Variants in SERINC1 observed in about 807,000 individuals in gnomAD.
The protein encoded by SERINC1 is serine incorporator 1.
In SERINC1, 38 loss-of-function variants were observed where a neutral mutation model predicts 52.9. The ratio of observed to expected loss-of-function variants is 0.72; its 90% CI spans 0.55 to 0.94. The LOEUF (loss-of-function observed/expected upper bound fraction) is 0.94. SERINC1 is among the 40% of genes least tolerant of loss of function. The pLI, the probability that SERINC1 is intolerant of heterozygous loss-of-function variation, is 0.00. For missense variants in SERINC1, 471 were observed against 533.9 expected (o/e 0.88, Z 1.16); for synonymous variants, 198 against 183.1 (o/e 1.08, Z -0.66).
intron 1 of SERINC1, among the ~76,000 whole-genome samples, chr6:122,461,860 A>G (rs1463365533): frequency 2.0e-5 from 3 of 152,120 alleles, no homozygotes; most frequent in Non-Finnish European, 4.4e-5. Context: ...TGAAAGAGAC[A>G]TATTCTTCTT....
chr6:122,470,695 T>C (rs1202655368), intron 1 of SERINC1, among the ~76,000 whole-genome samples: 1 of 152,094 alleles, frequency 6.6e-6, no homozygotes, highest in Non-Finnish European at 1.5e-5. Flanking sequence ...TCAAGACATA[T>C]CAAAACCTTT....
At chr6:122,452,781 G>C (rs913974174) in intron 5 of SERINC1, among the ~76,000 whole-genome samples, 2 of 152,124 alleles carry the variant, frequency 1.3e-5, no homozygotes, top group African/African-American at 4.8e-5. Context: ...TGCATTTAGA[G>C]AACAAGGTAT....
chr6:122,455,433 C>G (rs1774977804), intron 3 of SERINC1, among the ~76,000 whole-genome samples: 2 of 152,170 alleles, frequency 1.3e-5, no homozygotes, highest in East Asian at 1.9e-4. Context: ...ACTGGCCTAG[C>G]ATCCCAGCCT....
intron 1 of SERINC1, among the ~76,000 whole-genome samples, chr6:122,468,692 AT>A (rs1359354302): frequency 6.6e-6 from 1 of 152,188 alleles, no homozygotes; most frequent in African/African-American, 2.4e-5. Flanking sequence ...GAGAAGGAAG[AT>A]TTTGGGGGGA....
chr6:122,460,363 C>T (rs555813625), intron 1 of SERINC1, among the ~76,000 whole-genome samples: 2 of 152,272 alleles, frequency 1.3e-5, no homozygotes, highest in East Asian at 3.9e-4. Flanking sequence ...GTGTGGCCCA[C>T]CGCGCCCAGC....
intron 5 of SERINC1, among the ~76,000 whole-genome samples, chr6:122,453,101 C>T (rs1021090207): frequency 1.3e-5 from 2 of 152,114 alleles, no homozygotes; most frequent in Non-Finnish European, 2.9e-5. Context: ...TTAGATGGGG[C>T]ATTCATACTC....
chr6:122,464,391 AC>A (rs1775153056), intron 1 of SERINC1, among the ~76,000 whole-genome samples: 1 of 152,192 alleles, frequency 6.6e-6, no homozygotes, highest in Non-Finnish European at 1.5e-5. Flanking sequence ...AGAGCACACT[AC>A]TTTTTGAGAA....
chr6:122,469,837 G>A (rs963300307), intron 1 of SERINC1, among the ~76,000 whole-genome samples: 5 of 152,124 alleles, frequency 3.3e-5, no homozygotes, highest in African/African-American at 1.2e-4. Flanking sequence ...GATTACAGGC[G>A]TGAGCCACTG....
intron 1 of SERINC1, among the ~76,000 whole-genome samples, chr6:122,462,498 T>C (rs1267943): frequency 0.8 from 121,108 of 152,050 alleles, 48,464 homozygotes; most frequent in South Asian, 0.92. Context: ...GGCTCACACC[T>C]GTAATCCCAG....
chr6:122,469,298 T>C (rs1277677196), intron 1 of SERINC1, among the ~76,000 whole-genome samples: 2 of 152,072 alleles, frequency 1.3e-5, no homozygotes, highest in Admixed American at 6.5e-5. Context: ...AAGAATGAGG[T>C]TGGTTTGTTT....
Position 122,445,080 on chromosome 6 carries a change from C to T in SERINC1, c.1326G>A (p.Val442=). 1 of 1,613,982 alleles carries T rather than the reference C, an allele frequency of 6.2e-7. No homozygotes were observed. ...IGIVLYVWTL[V]APLVLTNRDF... The stretch of plus-strand genomic sequence containing the variant: ...CACGATTTGTAAGAACAAGTGGTGC[C>T]ACGAGTGTCCAAACATACAGCACGA... Residue 442 remains valine (V), a synonymous_variant, in exon 10 of 10, where the codon GTG becomes GTA. Coordinates refer to ENST00000339697, the MANE Select transcript of SERINC1 (RefSeq NM_020755.4).
chr6:122,451,455 G>C (rs1348757317), intron 7 of SERINC1, among the ~76,000 whole-genome samples: 4 of 152,020 alleles, frequency 2.6e-5, no homozygotes, highest in Non-Finnish European at 4.4e-5. Context: ...TGAACTCACA[G>C]TTTCTCTTAG....
At chr6:122,471,571 G>C in intron 1 of SERINC1, 128 bp downstream of exon 1, 1 of 1,088,554 alleles carries the variant, frequency 9.2e-7, no homozygotes, top group Non-Finnish European at 1.4e-6. Context: ...GAAGAAAACG[G>C]GGACAGAGAG....
At chr6:122,454,996 G>A (rs996583657) in intron 3 of SERINC1, among the ~76,000 whole-genome samples, 8 of 152,156 alleles carry the variant, frequency 5.3e-5, no homozygotes, top group African/African-American at 1.9e-4. Flanking sequence ...CTTCACATCA[G>A]CATTTAAGTA....
intron 9 of SERINC1, among the ~76,000 whole-genome samples, chr6:122,446,052 C>T (rs766336354): frequency 7.9e-5 from 12 of 151,824 alleles, no homozygotes; most frequent in Admixed American, 2.0e-4. Flanking sequence ...TACTGAGAGC[C>T]GCCTTACAAT....
intron 1 of SERINC1, among the ~76,000 whole-genome samples, chr6:122,470,097 T>C (rs898979054): frequency 9.9e-5 from 15 of 152,206 alleles, no homozygotes; most frequent in African/African-American, 3.6e-4. Context: ...CTGCCTGTAG[T>C]ACCAGCTACC....
intron 1 of SERINC1, among the ~76,000 whole-genome samples, chr6:122,464,835 A>T (rs1052190316): frequency 6.6e-6 from 1 of 152,198 alleles, no homozygotes; most frequent in Non-Finnish European, 1.5e-5. Flanking sequence ...CTCAAACTGT[A>T]ACAACTACCA....
Position 122,456,550 on chromosome 6 carries a change from T to G in SERINC1, c.302A>C (p.Tyr101Ser). 1 of 1,612,932 alleles carries G rather than the reference T, an allele frequency of 6.2e-7. No individual in the cohort carries two copies. Among genetic ancestry groups the G allele is most frequent in the Non-Finnish European group, 8.5e-7 (1 of 1,179,328 alleles). The change falls in exon 3 of 10, where the codon TAT becomes TCT. Residue 101 changes from tyrosine (Y) to serine (S), a missense_variant. Physicochemically the swap from Tyr to Ser is moderately radical, Grantham distance 144. Transcript: ENST00000339697. Reference sequence around the variant, plus strand: ...GATCATTAGTAAAGAGAGAAGAAGATAGAACATAGCCAAACCAAAGCACAA... The same window carrying G: ...GATCATTAGTAAAGAGAGAAGAAGAGAGAACATAGCCAAACCAAAGCACAA... Reference protein sequence around the residue: ...YRLCFGLAMFYLLLSLLMIKV... With the variant: ...YRLCFGLAMFSLLLSLLMIKV...
chr6:122,447,614 A>G (rs931447532), intron 7 of SERINC1, among the ~76,000 whole-genome samples: 4 of 152,202 alleles, frequency 2.6e-5, no homozygotes, highest in African/African-American at 9.7e-5. Context: ...AAATTCAGAG[A>G]TTATAAACCA....
Sources: gnomAD v4.1 joint callset for allele counts (sites outside exome capture counted in the v4.1 genomes callset) on GRCh38, gnomAD v4.1.1 for gene constraint, MANE v1.5 for transcripts, NCBI Gene and HGNC (gene_info 2026-07-23, HGNC 2026-07-21) for gene names.